The following XKR6 variants were observed in gnomAD, a reference collection of about 807,000 sequenced individuals.
The protein encoded by XKR6 is XK-related protein 6.
XKR6 carries 22 observed loss-of-function variants against 56.7 expected under a neutral mutation model. That is an observed-to-expected ratio of 0.39 (90% CI 0.28 to 0.55). The LOEUF (loss-of-function observed/expected upper bound fraction) is 0.55, where lower values mean the gene tolerates loss of function less well. Ranked by LOEUF, XKR6 falls within the 20% of genes least tolerant of loss-of-function variation. XKR6 has a pLI of 0.66. For missense variants in XKR6, 852 were observed against 889.0 expected, an observed-to-expected ratio of 0.96 and a Z score of 0.53; for synonymous variants, 524 against 387.8, an observed-to-expected ratio of 1.35 and a Z score of -4.13.
chr8:11,149,999 T>G (rs1801189075), intron 1 of XKR6, among the ~76,000 whole-genome samples: 2 of 152,160 alleles, frequency 1.3e-5, no homozygotes, highest in South Asian at 4.1e-4. Context: ...TTGCATGTAC[T>G]CACATGTGGG....
chr8:11,002,134 C>A (rs1798256116), intron 1 of XKR6, among the ~76,000 whole-genome samples: 1 of 152,104 alleles, frequency 6.6e-6, no homozygotes, highest in African/African-American at 2.4e-5. Flanking sequence ...AATGCTTCCG[C>A]CTCTGTGCAC....
intron 1 of XKR6, among the ~76,000 whole-genome samples, chr8:10,966,971 G>C (rs913228358): frequency 2.0e-5 from 3 of 152,130 alleles, no homozygotes; most frequent in African/African-American, 7.2e-5. Context: ...TGAGAACCAT[G>C]GGTCTAGAGC....
chr8:11,010,955 C>T (rs542660650), intron 1 of XKR6, among the ~76,000 whole-genome samples: 1 of 152,224 alleles, frequency 6.6e-6, no homozygotes, highest in Non-Finnish European at 1.5e-5. Flanking sequence ...AGGGCCAGGA[C>T]CGCCTTCTCT....
At chr8:11,028,964 A>C (rs1337255478) in intron 1 of XKR6, among the ~76,000 whole-genome samples, 2 of 152,030 alleles carry the variant, frequency 1.3e-5, no homozygotes, top group Non-Finnish European at 2.9e-5. Context: ...CTGTCTCTCC[A>C]TCTTACTTAG....
intron 1 of XKR6, chr8:11,194,924 G>C: frequency 1.9e-6 from 1 of 531,286 alleles, no homozygotes; most frequent in Non-Finnish European, 3.3e-6. Flanking sequence ...TTGCAATTTC[G>C]CTCCAAAGCA....
At chr8:10,995,989 A>G (rs1174172689) in intron 1 of XKR6, among the ~76,000 whole-genome samples, 3 of 152,226 alleles carry the variant, frequency 2.0e-5, no homozygotes, top group Admixed American at 6.5e-5. Flanking sequence ...CCTTGTTTAC[A>G]TGATATAAAG....
At chr8:11,160,665 T>C (rs1000343971) in intron 1 of XKR6, among the ~76,000 whole-genome samples, 4 of 152,032 alleles carry the variant, frequency 2.6e-5, no homozygotes, top group African/African-American at 9.7e-5. Context: ...AACCCAGCAC[T>C]TTGCAAGGCC....
At chr8:10,917,535 G>T (rs991634701) in intron 2 of XKR6, among the ~76,000 whole-genome samples, 1 of 152,244 alleles carries the variant, frequency 6.6e-6, no homozygotes, top group Non-Finnish European at 1.5e-5. Flanking sequence ...AGCTGGCCAT[G>T]TTCTGGGGTC....
chr8:11,144,660 A>G (rs921519493), intron 1 of XKR6, among the ~76,000 whole-genome samples: 2 of 152,094 alleles, frequency 1.3e-5, no homozygotes, highest in Non-Finnish European at 2.9e-5. Flanking sequence ...CTTTCCAGGT[A>G]TAGACCCAAG....
At chr8:11,055,135 G>T (rs754520708) in intron 1 of XKR6, among the ~76,000 whole-genome samples, 1 of 152,336 alleles carries the variant, frequency 6.6e-6, no homozygotes, top group South Asian at 2.1e-4. Flanking sequence ...TGCCACCCAA[G>T]TATAGGGACT....
chr8:11,132,762 C>CGCAT (rs1800170170), intron 1 of XKR6, among the ~76,000 whole-genome samples: 1 of 115,918 alleles, frequency 8.6e-6, no homozygotes, highest in African/African-American at 5.1e-5. Flanking sequence ...TACACACACA[C>CGCAT]GCACGCACAC....
At chr8:11,081,910 C>T (rs972420846) in intron 1 of XKR6, among the ~76,000 whole-genome samples, 7 of 152,218 alleles carry the variant, frequency 4.6e-5, no homozygotes, top group Non-Finnish European at 7.3e-5. Flanking sequence ...CGAGGTGGGA[C>T]TGGATGCCAA....
intron 1 of XKR6, among the ~76,000 whole-genome samples, chr8:11,082,339 G>A (rs1048637291): frequency 3.3e-5 from 5 of 152,182 alleles, no homozygotes; most frequent in Non-Finnish European, 5.9e-5. Flanking sequence ...ACGAATGTGG[G>A]AGCAAGAGTT....
rs188442832 is a variant in XKR6, at chr8:11,165,548, G to A, written c.764+35028C>T. On this transcript the variant is annotated intron_variant, in intron 1 of 2. Transcript: ENST00000416569. The stretch of plus-strand genomic sequence containing the variant: ...AAGATGGCATGCTCTCTTGGGCATC[G>A]GCATCCTTATTTGATTAGCAGAAAC... Among the ~76,000 whole-genome samples the A allele has an allele frequency of 1.5e-3, 222 of 152,222 alleles. 2 individuals are homozygous for A. Among genetic ancestry groups the A allele is most frequent in the African/African-American group, 4.6e-3 (190 of 41,522 alleles).
chr8:11,157,188 G>T (rs376705906), intron 1 of XKR6, among the ~76,000 whole-genome samples: 1 of 152,286 alleles, frequency 6.6e-6, no homozygotes, highest in East Asian at 1.9e-4. Context: ...AGCAAGGAAA[G>T]ACCAAGAAAC....
intron 1 of XKR6, among the ~76,000 whole-genome samples, chr8:11,126,405 C>T (rs1563156330): frequency 6.6e-6 from 1 of 152,120 alleles, no homozygotes; most frequent in African/African-American, 2.4e-5. Flanking sequence ...CAAAACTCTA[C>T]ATTTTCTTAT....
chr8:11,009,060 C>T (rs1209020572), intron 1 of XKR6, among the ~76,000 whole-genome samples: 2 of 148,614 alleles, frequency 1.3e-5, no homozygotes, highest in Non-Finnish European at 3.0e-5. Flanking sequence ...CCAAATTACA[C>T]CTCTCCTGGG....
rs376940128 is a variant in XKR6, at chr8:10,964,419, A to G, written c.765-39589T>C. Among the ~76,000 whole-genome samples, 7 of 152,218 alleles carry G rather than the reference A, an allele frequency of 4.6e-5. No homozygotes were observed. In the East Asian group the frequency reaches 7.7e-4, roughly 17 times the overall value. ...ACCTGGAGGCTCCGAACCACTCACA[A>G]GTGACGTTCCTCAGTGGCAGGAACC... On this transcript the variant is annotated intron_variant, in intron 1 of 2. Coordinates refer to ENST00000416569, the MANE Select transcript of XKR6 (RefSeq NM_173683.4).
chr8:11,051,247 C>A lies in XKR6; in HGVS notation c.765-126417G>T, dbSNP rs1350770685. Among the ~76,000 whole-genome samples, 11 of 152,218 alleles carry A rather than the reference C, an allele frequency of 7.2e-5. No homozygotes were observed. The East Asian group carries it at 2.1e-3, about 29-fold the overall frequency. On this transcript the variant is annotated intron_variant, in intron 1 of 2. Transcript: ENST00000416569. ...TCTAGCTCACTGGCCCCCGATCACC[C>A]TGCTGGTTCCCCCACCTCCTGTCCT... is the stretch of plus-strand genomic sequence containing the variant.
Sources: allele counts gnomAD v4.1 joint callset (sites outside exome capture counted in the v4.1 genomes callset), GRCh38; gene constraint gnomAD v4.1.1; transcripts MANE v1.5; gene names NCBI Gene and HGNC (gene_info 2026-07-23, HGNC 2026-07-21).